Variants in KCNE1 observed in about 807,000 individuals in gnomAD.
KCNE1 encodes potassium voltage-gated channel subfamily E member 1.
In KCNE1, 1 loss-of-function variant was observed where a neutral mutation model predicts 2.9. That is an observed-to-expected ratio of 0.34 (90% confidence interval 0.12 to 1.62). The LOEUF (loss-of-function observed/expected upper bound fraction) is 1.62. Among genes scored for constraint, KCNE1 ranks in the 40% most tolerant of loss-of-function variants. KCNE1 has a pLI of 0.36. For missense variants in KCNE1, 45 were observed against 150.5 expected, an observed-to-expected ratio of 0.30 and a Z score of 3.67; for synonymous variants, 23 against 65.4, an observed-to-expected ratio of 0.35 and a Z score of 3.13.
intron 2 of KCNE1, among the ~76,000 whole-genome samples, chr21:34,501,140 A>G (rs1983142834): frequency 6.6e-6 from 1 of 152,220 alleles, no homozygotes; most frequent in South Asian, 2.1e-4. Context: ...TGCAAGTTGG[A>G]CTTCTCAATC....
At chr21:34,504,729 A>G (rs764391597) in intron 2 of KCNE1, among the ~76,000 whole-genome samples, 4 of 152,262 alleles carry the variant, frequency 2.6e-5, no homozygotes, top group Non-Finnish European at 5.9e-5. Context: ...AAAAGGGATG[A>G]AGTACTTATA....
At chr21:34,498,222 A>C (rs1982928948) in intron 2 of KCNE1, among the ~76,000 whole-genome samples, 1 of 152,110 alleles carries the variant, frequency 6.6e-6, no homozygotes, top group African/African-American at 2.4e-5. Context: ...CATTGCTGGG[A>C]AGCTAGTGTG....
intron 2 of KCNE1, among the ~76,000 whole-genome samples, chr21:34,495,552 T>G (rs928543618): frequency 1.7e-5 from 2 of 116,026 alleles, no homozygotes; most frequent in Non-Finnish European, 3.5e-5. Context: ...GTTTTTATCT[T>G]GCTACTTGTT....
chr21:34,511,411 A>AG, intron 1 of KCNE1, 96 bp from the exon 2 acceptor site: 6 of 437,826 alleles, frequency 1.4e-5, no homozygotes, highest in Non-Finnish European at 1.8e-5. Flanking sequence ...TGAGGGCTCC[A>AG]CCCTTATGAA....
intron 2 of KCNE1, among the ~76,000 whole-genome samples, chr21:34,501,697 T>C (rs1983177371): frequency 1.3e-5 from 2 of 152,218 alleles, no homozygotes; most frequent in South Asian, 2.1e-4. Context: ...TAAGGGTTGA[T>C]AGACAAAACA....
intron 2 of KCNE1, among the ~76,000 whole-genome samples, chr21:34,503,057 A>G (rs919184662): frequency 4.6e-5 from 7 of 152,204 alleles, no homozygotes; most frequent in African/African-American, 1.7e-4. Context: ...TCTGATGCTA[A>G]CTACCCAAAG....
intron 2 of KCNE1, among the ~76,000 whole-genome samples, chr21:34,507,463 G>A (rs555775821): frequency 6.6e-6 from 1 of 152,230 alleles, no homozygotes; most frequent in South Asian, 2.1e-4. Context: ...AACAAACAAG[G>A]GGCTAGGTCC....
At chr21:34,502,598 T>C (rs1238815322) in intron 2 of KCNE1, among the ~76,000 whole-genome samples, 1 of 152,242 alleles carries the variant, frequency 6.6e-6, no homozygotes, top group Admixed American at 6.5e-5. Flanking sequence ...CCTTGGGCTA[T>C]GATTAGGAGA....
At chr21:34,501,475 C>A (rs1983164017) in intron 2 of KCNE1, among the ~76,000 whole-genome samples, 1 of 152,146 alleles carries the variant, frequency 6.6e-6, no homozygotes, top group Non-Finnish European at 1.5e-5. Flanking sequence ...CACTTTTATG[C>A]CCACATCTCA....
chr21:34,506,886 G>A (rs1983524106), intron 2 of KCNE1, among the ~76,000 whole-genome samples: 1 of 152,172 alleles, frequency 6.6e-6, no homozygotes, highest in Non-Finnish European at 1.5e-5. Flanking sequence ...CAAAGGACAC[G>A]ATGCTCAAGA....
intron 2 of KCNE1, among the ~76,000 whole-genome samples, chr21:34,508,190 CTT>C (rs796940352): frequency 1.3e-4 from 18 of 137,582 alleles, no homozygotes; most frequent in African/African-American, 2.2e-4. Context: ...CCACTCCTAG[CTT>C]TTTTTTTTTT....
At chr21:34,499,254 C>T (rs1370183780) in intron 2 of KCNE1, among the ~76,000 whole-genome samples, 1 of 152,214 alleles carries the variant, frequency 6.6e-6, no homozygotes, top group Admixed American at 6.5e-5. Context: ...ACTAACAGCA[C>T]CAAGTTTATC....
At chr21:34,505,219 C>A (rs1163539980) in intron 2 of KCNE1, among the ~76,000 whole-genome samples, 1 of 152,048 alleles carries the variant, frequency 6.6e-6, no homozygotes, top group Non-Finnish European at 1.5e-5. Flanking sequence ...CTGCAACCTC[C>A]GCCTCCTGGG....
intron 2 of KCNE1, among the ~76,000 whole-genome samples, chr21:34,506,976 G>A (rs1010020506): frequency 4.6e-5 from 7 of 152,230 alleles, no homozygotes; most frequent in Non-Finnish European, 1.0e-4. Flanking sequence ...GGGACGCATG[G>A]CACACCCAGA....
chr21:34,497,290 C>A (rs1053859335), intron 2 of KCNE1, among the ~76,000 whole-genome samples: 2 of 152,122 alleles, frequency 1.3e-5, no homozygotes, highest in South Asian at 4.2e-4. Context: ...GAGATTTATG[C>A]TTTAAGGAAG....
chr21:34,499,279 G>A (rs957783258), intron 2 of KCNE1, among the ~76,000 whole-genome samples: 3 of 152,206 alleles, frequency 2.0e-5, no homozygotes, highest in Non-Finnish European at 4.4e-5. Flanking sequence ...GGCAGCTTAT[G>A]CTCTGGACTC....
chr21:34,509,354 C>T (rs1983696869), intron 2 of KCNE1: 2 of 152,350 alleles, frequency 1.3e-5, no homozygotes, highest in African/African-American at 4.8e-5. Flanking sequence ...CTTGTGGCAG[C>T]TCCAGGCCAG....
intron 2 of KCNE1, among the ~76,000 whole-genome samples, chr21:34,508,206 T>C (rs1299128195): frequency 1.3e-5 from 2 of 149,556 alleles, no homozygotes; most frequent in East Asian, 1.9e-4. Context: ...TTTTTTTTTT[T>C]CTGTAGAGGC....
intron 2 of KCNE1, chr21:34,510,777 G>A (rs927844341): frequency 1.3e-5 from 2 of 152,688 alleles, no homozygotes; most frequent in Admixed American, 6.5e-5. Context: ...TCTGTCTGGG[G>A]CCCAGGATCA....
Sources: gnomAD v4.1 joint callset for allele counts (sites outside exome capture counted in the v4.1 genomes callset) on GRCh38, gnomAD v4.1.1 for gene constraint, MANE v1.5 for transcripts, NCBI Gene and HGNC (gene_info 2026-07-23, HGNC 2026-07-21) for gene names.